The following CDKAL1 variants were observed in gnomAD, a reference collection of about 807,000 sequenced individuals.
CDKAL1 encodes the protein threonylcarbamoyladenosine tRNA methylthiotransferase.
Under a neutral mutation model 68.2 loss-of-function variants are expected in CDKAL1, and 32 were observed. The ratio of observed to expected loss-of-function variants is 0.47; its 90% confidence interval spans 0.35 to 0.63. The LOEUF is 0.63. Ranked by LOEUF, CDKAL1 falls within the 30% of genes least tolerant of loss-of-function variation. The probability of loss-of-function intolerance (pLI) is 0.00; values close to 1 mark genes in which losing one functional copy is unlikely to be tolerated. For missense variants in CDKAL1, 606 were observed against 696.7 expected (o/e 0.87, Z 1.47); for synonymous variants, 234 against 244.3 (o/e 0.96, Z 0.39).
At chr6:20,603,241 C>T (rs1275971588) in intron 4 of CDKAL1, among the ~76,000 whole-genome samples, 1 of 152,156 alleles carries the variant, frequency 6.6e-6, no homozygotes, top group Non-Finnish European at 1.5e-5. Context: ...TTTGACTTTG[C>T]TAGAGACTGA....
chr6:21,192,492 A>G (rs1339226874), intron 13 of CDKAL1, among the ~76,000 whole-genome samples: 1 of 151,970 alleles, frequency 6.6e-6, no homozygotes, highest in Non-Finnish European at 1.5e-5. Flanking sequence ...AAAAGTCCAT[A>G]GAACTGAATT....
intron 4 of CDKAL1, among the ~76,000 whole-genome samples, chr6:20,611,016 A>G (rs1766595207): frequency 6.6e-6 from 1 of 152,188 alleles, no homozygotes; most frequent in South Asian, 2.1e-4. Context: ...ATTTTCCCTC[A>G]CAGCTTTGAG....
intron 8 of CDKAL1, among the ~76,000 whole-genome samples, chr6:20,820,852 G>T (rs1777246689): frequency 1.3e-5 from 2 of 152,104 alleles, no homozygotes; most frequent in South Asian, 4.2e-4. Context: ...AATTCTAGTG[G>T]TGGAGACAGA....
chr6:20,728,041 T>C (rs1554111294), intron 5 of CDKAL1, among the ~76,000 whole-genome samples: 2 of 152,244 alleles, frequency 1.3e-5, no homozygotes, highest in Non-Finnish European at 2.9e-5. Flanking sequence ...GCTTTTCTGT[T>C]CTTTGCTTTT....
intron 14 of CDKAL1, among the ~76,000 whole-genome samples, chr6:21,199,897 G>T (rs1778620551): frequency 6.6e-6 from 1 of 152,190 alleles, no homozygotes; most frequent in Admixed American, 6.5e-5. Flanking sequence ...GTACTCAGTG[G>T]TCATAAAAAT....
At chr6:20,779,274 TCTA>T (rs1775311263) in intron 7 of CDKAL1, among the ~76,000 whole-genome samples, 1 of 152,222 alleles carries the variant, frequency 6.6e-6, no homozygotes, top group South Asian at 2.1e-4. Context: ...ATCCACCAGT[TCTA>T]CTCCTAGGAA....
chr6:20,667,246 A>C (rs776102481), intron 5 of CDKAL1, among the ~76,000 whole-genome samples: 3 of 152,224 alleles, frequency 2.0e-5, no homozygotes, highest in Non-Finnish European at 4.4e-5. Context: ...AATGCCTACT[A>C]TGTGTTACAG....
intron 12 of CDKAL1, among the ~76,000 whole-genome samples, chr6:21,095,332 T>A (rs989249979): frequency 2.6e-5 from 4 of 152,204 alleles, no homozygotes; most frequent in African/African-American, 9.7e-5. Flanking sequence ...GCCTGTTTGC[T>A]CATTACTTAA....
intron 13 of CDKAL1, among the ~76,000 whole-genome samples, chr6:21,151,315 A>T (rs113452394): frequency 2.1e-4 from 32 of 152,302 alleles, no homozygotes; most frequent in African/African-American, 7.0e-4. Context: ...ACCCTCTCCG[A>T]CCCAGCCTCA....
At position 20,649,479 on chromosome 6, in the gene CDKAL1, T is replaced by G. The variant is rs1425632134; in HGVS notation, c.371+102T>G. On this transcript the variant is annotated intron_variant, in intron 5 of 15. Coordinates refer to ENST00000274695, the MANE Select transcript of CDKAL1 (RefSeq NM_017774.3). Reference sequence around the variant, plus strand: ...TGTCAATATAGATATTTAGTTTATATTAAAAAAGTATGAGTTGGACTTTTA... The same window carrying G: ...TGTCAATATAGATATTTAGTTTATAGTAAAAAAGTATGAGTTGGACTTTTA... 4.8e-6 allele frequency: 3 copies of G among 624,936 alleles called. No individual in the cohort carries two copies. The highest frequency in any genetic ancestry group is 3.8e-5 in the African/African-American group (2 of 52,112). 38.7% of individuals were successfully genotyped at this position (624,936 alleles called of 1,614,324 possible). A position where few individuals can be genotyped will look rare whatever the true frequency, so the allele number is the denominator to read the frequency against.
At position 20,736,703 on chromosome 6, in the gene CDKAL1, C is replaced by T. The variant is rs184251964; in HGVS notation, c.372-2816C>T. Among the ~76,000 whole-genome samples, 387 of 151,432 alleles carry T rather than the reference C, an allele frequency of 2.6e-3. 2 individuals carry two copies. Among genetic ancestry groups the T allele is most frequent in the African/African-American group, 8.5e-3 (352 of 41,210 alleles). Reference sequence around the variant, plus strand: ...AGGAGAATGGCAGGAACCCAGGAGGCGGAACTTGGAGTGAGCCAAGACAGC... The same window carrying T: ...AGGAGAATGGCAGGAACCCAGGAGGTGGAACTTGGAGTGAGCCAAGACAGC... On this transcript the variant is annotated intron_variant, in intron 5 of 15. Coordinates refer to ENST00000274695, the MANE Select transcript of CDKAL1 (RefSeq NM_017774.3).
intron 9 of CDKAL1, among the ~76,000 whole-genome samples, chr6:20,910,969 G>A (rs747229145): frequency 9.2e-5 from 14 of 152,290 alleles, no homozygotes; most frequent in African/African-American, 2.9e-4. Context: ...TGTCTCTTAC[G>A]GGCCATAGAA....
In CDKAL1 at chr6:21,201,171, C is replaced by T. The variant is rs769462123; in HGVS notation, c.1445C>T (p.Ser482Leu). 1 of 1,613,882 alleles carries T rather than the reference C, an allele frequency of 6.2e-7. No individual in the cohort carries two copies. The highest frequency in any genetic ancestry group is 8.5e-7 in the Non-Finnish European group (1 of 1,179,796). ...ATGGTTGAAGTGGACATCTATGAAT[C>T]AGGCAAACATTTTATGAAAGGGCAG... ...GKMVEVDIYE[S>L]GKHFMKGQPV... Residue 482 changes from serine (S) to leucine (L), a missense_variant, in exon 15 of 16, where the codon TCA (serine) becomes TTA (leucine). Transcript: ENST00000274695.
intron 8 of CDKAL1, among the ~76,000 whole-genome samples, chr6:20,796,336 G>T (rs1017021120): frequency 6.6e-6 from 1 of 152,086 alleles, no homozygotes; most frequent in Non-Finnish European, 1.5e-5. Flanking sequence ...CAAAACAGAA[G>T]AAATCAAAGA....
rs192061934 is a variant in CDKAL1, at chr6:20,896,012, A to G, written c.742+49834A>G. 2.0e-5 allele frequency among the ~76,000 whole-genome samples: 3 copies of G among 152,266 alleles called. No individual in the cohort carries two copies. In the East Asian group the frequency reaches 5.8e-4, roughly 29 times the overall value. On this transcript the variant is annotated intron_variant, in intron 9 of 15. Transcript: ENST00000274695. ...AACATATAAAAATAGCATTCTGAGCAATGACTGAAAGGGAACACTGACAGA... is the reference window on the plus strand; with the variant it reads ...AACATATAAAAATAGCATTCTGAGCGATGACTGAAAGGGAACACTGACAGA...
chr6:20,551,494 A>T (rs182933555), intron 4 of CDKAL1, among the ~76,000 whole-genome samples: 4 of 151,374 alleles, frequency 2.6e-5, no homozygotes, highest in African/African-American at 9.7e-5. Context: ...CAGCCTCTCG[A>T]GTAGCTGGGA....
intron 11 of CDKAL1, among the ~76,000 whole-genome samples, chr6:21,052,595 A>C (rs77714578): frequency 0.021 from 3,120 of 149,290 alleles, 110 homozygotes; most frequent in African/African-American, 0.073. Flanking sequence ...CTGGCCATGA[A>C]CTCCTGGCTT....
intron 13 of CDKAL1, among the ~76,000 whole-genome samples, chr6:21,158,193 T>G (rs914075995): frequency 6.6e-6 from 1 of 152,192 alleles, no homozygotes; most frequent in African/African-American, 2.4e-5. Context: ...AGTGAACTGG[T>G]TTCAATTTAC....
rs1008991791 is a variant in CDKAL1, at chr6:20,990,099, T to C, written c.910-10128T>C. 3.9e-5 allele frequency among the ~76,000 whole-genome samples: 6 copies of C among 152,070 alleles called. No individual in the cohort carries two copies. The East Asian group carries it at 5.8e-4, about 15-fold the overall frequency. On this transcript the variant is annotated intron_variant, in intron 10 of 15. Transcript: ENST00000274695. ...CTCTACTAAAAATACACAAATTAGC[T>C]GGGCGTGGTGGCACGTGCCTGTAGT...
Sources: allele counts gnomAD v4.1 joint callset (sites outside exome capture counted in the v4.1 genomes callset), GRCh38; gene constraint gnomAD v4.1.1; transcripts MANE v1.5; gene names NCBI Gene and HGNC (gene_info 2026-07-23, HGNC 2026-07-21).